SIK2: variants seen among roughly 807,000 people sequenced by gnomAD.
SIK2 encodes salt inducible kinase 2.
A neutral mutation model predicts 103.2 loss-of-function variants in SIK2; 29 were observed. That is an observed-to-expected ratio of 0.28 (90% CI 0.21 to 0.38). SIK2 has a LOEUF of 0.38. Ranked by LOEUF, SIK2 falls within the 10% of genes least tolerant of loss-of-function variation. The pLI is 1.00. For missense variants in SIK2, 879 were observed against 1,171.0 expected, an observed-to-expected ratio of 0.75 and a Z score of 3.64; for synonymous variants, 412 against 446.1, an observed-to-expected ratio of 0.92 and a Z score of 0.96.
intron 1 of SIK2, among the ~76,000 whole-genome samples, chr11:111,615,250 A>G (rs559254006): frequency 1.6e-3 from 241 of 151,600 alleles, no homozygotes; most frequent in African/African-American, 5.7e-3. Context: ...CAGGAATTCA[A>G]GGCCAGCCTG....
chr11:111,610,578 C>A (rs1392211047), intron 1 of SIK2, among the ~76,000 whole-genome samples: 1 of 99,288 alleles, frequency 1.0e-5, no homozygotes, highest in East Asian at 9.0e-4. Context: ...TCTGCTCTTA[C>A]ATTTAATTCT....
At chr11:111,667,486 ATCT>A (rs1293567179) in intron 3 of SIK2, among the ~76,000 whole-genome samples, 2 of 131,372 alleles carry the variant, frequency 1.5e-5, no homozygotes, top group African/African-American at 5.4e-5. Flanking sequence ...ATTGTTGGTT[ATCT>A]TTTTTTTTTT....
At chr11:111,723,461 A>T in intron 14 of SIK2, 35 bp from the exon 15 acceptor site, 1 of 1,549,864 alleles carries the variant, frequency 6.5e-7, no homozygotes. Context: ...ACTTGAGAAG[A>T]TTTAAAATTC....
At chr11:111,673,875 A>G (rs1942661429) in intron 3 of SIK2, among the ~76,000 whole-genome samples, 1 of 152,098 alleles carries the variant, frequency 6.6e-6, no homozygotes, top group Non-Finnish European at 1.5e-5. Context: ...GGAGTTCGAG[A>G]CAAGCCTGGC....
intron 1 of SIK2, among the ~76,000 whole-genome samples, chr11:111,611,085 AATGTGTGTGTGTGTGTGT>A (rs1324674771): frequency 3.0e-5 from 4 of 134,732 alleles, no homozygotes; most frequent in African/African-American, 1.3e-4. Flanking sequence ...CTCTCGACCA[AATGTGTGTGTGTGTGTGT>A]GTGTGTGTGT....
At chr11:111,717,923 G>C (rs1943693306) in intron 9 of SIK2, among the ~76,000 whole-genome samples, 1 of 152,118 alleles carries the variant, frequency 6.6e-6, no homozygotes, top group African/African-American at 2.4e-5. Context: ...TGTTAGGGGG[G>C]CAATGGGAGG....
At chr11:111,618,582 G>C (rs1046059313) in intron 2 of SIK2, among the ~76,000 whole-genome samples, 5 of 152,068 alleles carry the variant, frequency 3.3e-5, no homozygotes, top group African/African-American at 9.7e-5. Context: ...AGGGTCTCTT[G>C]AGCCAAGGAG....
intron 8 of SIK2, among the ~76,000 whole-genome samples, chr11:111,710,990 T>C (rs182611647): frequency 1.3e-5 from 2 of 152,340 alleles, no homozygotes; most frequent in African/African-American, 4.8e-5. Context: ...GCAGTGCCTG[T>C]TGTATTCAAA....
chr11:111,644,986 C>T (rs547236676), intron 3 of SIK2, among the ~76,000 whole-genome samples: 2 of 152,206 alleles, frequency 1.3e-5, no homozygotes, highest in East Asian at 1.9e-4. Flanking sequence ...AGTCACTGTT[C>T]ATGTGCAAAG....
chr11:111,621,631 T>C (rs1421414466), intron 3 of SIK2, among the ~76,000 whole-genome samples: 1 of 152,128 alleles, frequency 6.6e-6, no homozygotes, highest in Non-Finnish European at 1.5e-5. Flanking sequence ...ATAAGAACCT[T>C]GGCTGGGCAC....
chr11:111,687,302 G>T (rs1237283165), intron 3 of SIK2, among the ~76,000 whole-genome samples: 1 of 151,842 alleles, frequency 6.6e-6, no homozygotes, highest in East Asian at 1.9e-4. Context: ...GGATCACGAG[G>T]TCAGGAGTTC....
At chr11:111,650,082 A>G (rs530602186) in intron 3 of SIK2, among the ~76,000 whole-genome samples, 29 of 152,166 alleles carry the variant, frequency 1.9e-4, no homozygotes, top group Admixed American at 1.9e-3. Context: ...GTGATTGTGT[A>G]GATCTTTCTC....
chr11:111,620,429 T>A (rs762330062), intron 3 of SIK2, 27 bp downstream of exon 3: 8 of 1,476,306 alleles, frequency 5.4e-6, no homozygotes, highest in Non-Finnish European at 7.4e-6. Flanking sequence ...AAATTTTCTA[T>A]TAATTTGAAA....
intron 1 of SIK2, among the ~76,000 whole-genome samples, chr11:111,606,046 G>A (rs920105661): frequency 3.3e-5 from 5 of 152,182 alleles, no homozygotes; most frequent in Admixed American, 3.3e-4. Context: ...CATGTCAGCT[G>A]TTAAACTTTG....
intron 3 of SIK2, among the ~76,000 whole-genome samples, chr11:111,656,920 G>A (rs189691086): frequency 8.3e-4 from 126 of 152,252 alleles, no homozygotes; most frequent in African/African-American, 2.9e-3. Context: ...ATTTTAATCT[G>A]AAGATAGAAA....
intron 8 of SIK2, among the ~76,000 whole-genome samples, chr11:111,707,443 C>T (rs1442668883): frequency 6.6e-6 from 1 of 152,160 alleles, no homozygotes; most frequent in African/African-American, 2.4e-5. Context: ...TTACCAAGCA[C>T]TCTGTGTCCT....
At chr11:111,644,809 A>T (rs960350588) in intron 3 of SIK2, among the ~76,000 whole-genome samples, 4 of 152,238 alleles carry the variant, frequency 2.6e-5, no homozygotes, top group Admixed American at 2.6e-4. Context: ...GTTATTATGT[A>T]TCCATTTTTT....
intron 2 of SIK2, among the ~76,000 whole-genome samples, chr11:111,619,789 A>G (rs1439787663): frequency 6.6e-6 from 1 of 152,246 alleles, no homozygotes. Flanking sequence ...CTTTTAAACA[A>G]TTAGAGTACT....
chr11:111,653,265 A>T (rs1329951515), intron 3 of SIK2, among the ~76,000 whole-genome samples: 1 of 152,218 alleles, frequency 6.6e-6, no homozygotes. Flanking sequence ...TTAGTTGGAG[A>T]TTCTTTAGTC....
Sources: allele counts gnomAD v4.1 joint callset (sites outside exome capture counted in the v4.1 genomes callset), GRCh38; gene constraint gnomAD v4.1.1; transcripts MANE v1.5; gene names NCBI Gene and HGNC (gene_info 2026-07-23, HGNC 2026-07-21).